AKAP10: variants seen among roughly 807,000 people sequenced by gnomAD.
AKAP10 encodes A-kinase anchoring protein 10, also known as A-kinase anchor protein 10, mitochondrial.
AKAP10 carries 24 observed loss-of-function variants against 80.8 expected under a neutral mutation model. That is an observed-to-expected ratio of 0.30 (90% CI 0.22 to 0.42). AKAP10 has a LOEUF of 0.42. Among genes scored for constraint, AKAP10 ranks in the 10% least tolerant of loss-of-function variants. The pLI, the probability that AKAP10 is intolerant of heterozygous loss-of-function variation, is 1.00. For synonymous variants in AKAP10, 291 were observed against 277.7 expected (o/e 1.05, Z -0.48); for missense variants, 661 against 794.9 (o/e 0.83, Z 2.03).
At chr17:19,975,958 C>T (rs377623599) in intron 1 of AKAP10, among the ~76,000 whole-genome samples, 4 of 152,120 alleles carry the variant, frequency 2.6e-5, no homozygotes, top group African/African-American at 9.7e-5. Context: ...ACTATTTTAC[C>T]GGTTTCATTC....
At chr17:19,924,378 G>A in intron 11 of AKAP10, 30 bp downstream of exon 11, 1 of 1,449,010 alleles carries the variant, frequency 6.9e-7, no homozygotes, top group Non-Finnish European at 9.4e-7. Flanking sequence ...ATTTACACTT[G>A]TAAAAATTCT....
At chr17:19,955,273 G>A (rs1294259474) in intron 4 of AKAP10, among the ~76,000 whole-genome samples, 1 of 152,034 alleles carries the variant, frequency 6.6e-6, no homozygotes, top group African/African-American at 2.4e-5. Flanking sequence ...TTGAGACGGA[G>A]AAAGATCAGC....
At position 19,938,489 on chromosome 17, in the gene AKAP10, A is replaced by G. The variant is rs144103498; in HGVS notation, c.1322+1224T>C. Among the ~76,000 whole-genome samples the G allele has an allele frequency of 5.3e-3, 798 of 150,416 alleles. 16 individuals are homozygous for G. In the East Asian group the frequency reaches 0.075, roughly 14 times the overall value. ...TGACCTCAAGTAATCCGCCTGCCTC[A>G]GCCTCCCAAAGTGCTGGGATTATAG... On this transcript the variant is annotated intron_variant, in intron 8 of 14. Coordinates refer to ENST00000225737, the MANE Select transcript of AKAP10 (RefSeq NM_007202.4).
chr17:19,975,434 T>C (rs138892720), intron 1 of AKAP10, among the ~76,000 whole-genome samples: 460 of 152,314 alleles, frequency 3.0e-3, no homozygotes, highest in African/African-American at 0.011. Context: ...AAGGGCACCA[T>C]GCTCTTTCTT....
intron 8 of AKAP10, among the ~76,000 whole-genome samples, chr17:19,937,686 T>C (rs937015954): frequency 8.5e-5 from 13 of 152,318 alleles, no homozygotes; most frequent in South Asian, 4.1e-4. Flanking sequence ...TATATAACAA[T>C]GTTTCTTACG....
rs112886803 is a variant in AKAP10 at position 19,968,433 on chromosome 17, T to G, written c.117A>C (p.Ser39=). The change falls in exon 2 of 15, where the codon TCA becomes TCC. Residue 39 remains serine (S), a synonymous_variant. Coordinates refer to ENST00000225737, the MANE Select transcript of AKAP10 (RefSeq NM_007202.4). ...KVKGKEQEKT[S]DVKSIKASIS... ...ACTTACCTTTAATGGACTTCACATC[T>G]GAGGTCTTCTCTTGTTCTTTGCCTT... The G allele has an allele frequency of 6.9e-4, 1,115 of 1,613,850 alleles. 7 individuals are homozygous for G. In the African/African-American group the frequency reaches 0.011, roughly 16 times the overall value.
In AKAP10 at chr17:19,941,906, C is replaced by A; in HGVS notation, c.981G>T (p.Arg327Ser). ...TEAMRNDIIA[R>S]ICGEDGQVDP... Reference sequence around the variant, plus strand: ...CCACCTGTCCATCTTCTCCACAAATCCTTGCTGCAAAAGAAGTTGTAAATA... The same window carrying A: ...CCACCTGTCCATCTTCTCCACAAATACTTGCTGCAAAAGAAGTTGTAAATA... Residue 327 changes from arginine to serine, a missense_variant, in exon 6 of 15, where the codon AGG (arginine) becomes AGT (serine). By Grantham distance (110) the Arg-to-Ser change is moderately radical. Coordinates refer to ENST00000225737, the MANE Select transcript of AKAP10 (RefSeq NM_007202.4). The A allele has an allele frequency of 6.2e-7, 1 of 1,609,530 alleles. No individual in the cohort carries two copies. Among genetic ancestry groups the A allele is most frequent in the South Asian group, 1.1e-5 (1 of 90,086 alleles).
chr17:19,967,566 C>T (rs1286585872), intron 2 of AKAP10, among the ~76,000 whole-genome samples: 1 of 152,168 alleles, frequency 6.6e-6, no homozygotes, highest in African/African-American at 2.4e-5. Context: ...ACTAGGATAG[C>T]CAATACACAC....
At chr17:19,952,647 C>G (rs1261939386) in intron 4 of AKAP10, among the ~76,000 whole-genome samples, 1 of 151,972 alleles carries the variant, frequency 6.6e-6, no homozygotes, top group South Asian at 2.1e-4. Context: ...AATTGGACAA[C>G]AGATATTTCT....
At chr17:19,950,542 C>A (rs1485535514) in intron 4 of AKAP10, among the ~76,000 whole-genome samples, 1 of 152,228 alleles carries the variant, frequency 6.6e-6, no homozygotes, top group East Asian at 1.9e-4. Context: ...AGCTCCTGAC[C>A]GCGAGTGATC....
At chr17:19,922,020 TACCATAAGA>T (rs2042823288) in intron 11 of AKAP10, among the ~76,000 whole-genome samples, 2 of 152,174 alleles carry the variant, frequency 1.3e-5, no homozygotes, top group African/African-American at 2.4e-5. Flanking sequence ...CAAAAGTGCA[TACCATAAGA>T]ATGATTACTG....
chr17:19,960,072 C>A (rs1380359643), intron 3 of AKAP10, among the ~76,000 whole-genome samples: 1 of 152,096 alleles, frequency 6.6e-6, no homozygotes, highest in African/African-American at 2.4e-5. Context: ...CATAGTGAAA[C>A]CCCATCTCTA....
chr17:19,977,000 G>T (rs1157377082), intron 1 of AKAP10, among the ~76,000 whole-genome samples: 1 of 152,184 alleles, frequency 6.6e-6, no homozygotes, highest in African/African-American at 2.4e-5. Context: ...AATCAAAAAT[G>T]TAAGTAGTTC....
intron 5 of AKAP10, among the ~76,000 whole-genome samples, chr17:19,946,267 A>G (rs1300978774): frequency 8.1e-4 from 22 of 27,062 alleles, no homozygotes; most frequent in African/African-American, 3.2e-3. Flanking sequence ...ATATATATAT[A>G]TATATATATT....
chr17:19,957,954 T>C, intron 4 of AKAP10, 60 bp downstream of exon 4: 1 of 1,465,284 alleles, frequency 6.8e-7, no homozygotes, highest in Non-Finnish European at 9.2e-7. Context: ...AAGTTCTGCT[T>C]AGTAAATTAA....
intron 4 of AKAP10, among the ~76,000 whole-genome samples, chr17:19,952,464 C>A (rs1359970559): frequency 3.4e-5 from 5 of 148,120 alleles, no homozygotes; most frequent in Admixed American, 1.3e-4. Flanking sequence ...AACTCTGTCT[C>A]AATAAATAAA....
intron 10 of AKAP10, among the ~76,000 whole-genome samples, chr17:19,928,443 G>A (rs930786848): frequency 3.9e-5 from 6 of 152,190 alleles, no homozygotes; most frequent in Admixed American, 1.3e-4. Flanking sequence ...GAAATGTGGA[G>A]AAGCTGTAAA....
chr17:19,914,514 T>C (rs1183175194), intron 12 of AKAP10, among the ~76,000 whole-genome samples: 2 of 150,888 alleles, frequency 1.3e-5, no homozygotes, highest in Non-Finnish European at 2.9e-5. Context: ...TGGTGGTGTG[T>C]GCCTGCAGTT....
chr17:19,935,310 C>A (rs1188200367), intron 9 of AKAP10, among the ~76,000 whole-genome samples: 1 of 152,120 alleles, frequency 6.6e-6, no homozygotes, highest in Non-Finnish European at 1.5e-5. Context: ...AGGGCACTTA[C>A]CATGAATGGA....
Sources: gnomAD v4.1 joint callset for allele counts (sites outside exome capture counted in the v4.1 genomes callset) on GRCh38, gnomAD v4.1.1 for gene constraint, MANE v1.5 for transcripts, NCBI Gene and HGNC (gene_info 2026-07-23, HGNC 2026-07-21) for gene names.